ANKRD24: variants seen among roughly 807,000 people sequenced by gnomAD.
The protein encoded by ANKRD24 is ankyrin repeat domain 24, also known as ankyrin repeat domain-containing protein 24.
In ANKRD24, 109 loss-of-function variants were observed where a neutral mutation model predicts 127.8. That is an observed-to-expected ratio of 0.85 (90% CI 0.73 to 1.00). The LOEUF (loss-of-function observed/expected upper bound fraction) is 1.00. ANKRD24 is among the 50% of genes least tolerant of loss of function. The probability of loss-of-function intolerance (pLI) is 0.00; values close to 1 mark genes in which losing one functional copy is unlikely to be tolerated. For missense variants in ANKRD24, 1,648 were observed against 1,570.2 expected, an observed-to-expected ratio of 1.05 and a Z score of -0.84; for synonymous variants, 743 against 671.1, an observed-to-expected ratio of 1.11 and a Z score of -1.66.
intron 20 of ANKRD24, among the ~76,000 whole-genome samples, chr19:4,223,368 C>CAT (rs1970546654): frequency 6.2e-5 from 5 of 80,828 alleles, no homozygotes; most frequent in Admixed American, 1.4e-4. Flanking sequence ...AGTGCCTGGC[C>CAT]ATACATATAT....
chr19:4,201,983 C>G, intron 5 of ANKRD24, 43 bp from the exon 6 acceptor site: 1 of 1,581,700 alleles, frequency 6.3e-7, no homozygotes, highest in Non-Finnish European at 8.7e-7. Context: ...CTGGGAGCTA[C>G]TTGAATAGCT....
In ANKRD24 at chr19:4,193,850, A is replaced by AGGAAGGAAGGAAGGAAGGAAGGAT. The variant is rs1568315604; in HGVS notation, c.37-5810_37-5809insTGGAAGGAAGGAAGGAAGGAAGGA. ...AGACTCCGTCGGGAGGGAGGGAGGA[A>AGGAAGGAAGGAAGGAAGGAAGGAT]GGAAGGAAGGAAGGAAGGAAGGAAG... On this transcript the variant is annotated intron_variant, in intron 2 of 21. Coordinates refer to ENST00000318934, the MANE Select transcript of ANKRD24 (RefSeq NM_001393985.1). Among the ~76,000 whole-genome samples the AGGAAGGAAGGAAGGAAGGAAGGAT allele has an allele frequency of 1.3e-3, 51 of 38,400 alleles. 1 individual carries two copies. Among genetic ancestry groups the AGGAAGGAAGGAAGGAAGGAAGGAT allele is most frequent in the Non-Finnish European group, 1.7e-3 (36 of 20,786 alleles). 25.2% of individuals were successfully genotyped at this position (38,400 alleles called of 152,430 possible).
chr19:4,193,858 A>AGGAAGGAAGGAT lies in ANKRD24; in HGVS notation c.37-5814_37-5813insTGGAAGGAAGGA, dbSNP rs1249633783. 3.9e-3 allele frequency among the ~76,000 whole-genome samples: 205 copies of AGGAAGGAAGGAT among 53,238 alleles called. 12 individuals carry two copies. Among genetic ancestry groups the AGGAAGGAAGGAT allele is most frequent in the South Asian group, 0.021 (30 of 1,438 alleles). 34.9% of individuals were successfully genotyped at this position (53,238 alleles called of 152,430 possible). A position where few individuals can be genotyped will look rare whatever the true frequency, so the allele number is the denominator to read the frequency against. Reference sequence around the variant, plus strand: ...TCGGGAGGGAGGGAGGAAGGAAGGAAGGAAGGAAGGAAGGAAGGAAGGAAG... The same window carrying AGGAAGGAAGGAT: ...TCGGGAGGGAGGGAGGAAGGAAGGAAGGAAGGAAGGATGGAAGGAAGGAAGGAAGGAAGGAAG... On this transcript the variant is annotated intron_variant, in intron 2 of 21. Coordinates refer to ENST00000318934, the MANE Select transcript of ANKRD24 (RefSeq NM_001393985.1).
intron 7 of ANKRD24, 107 bp downstream of exon 7, chr19:4,203,033 TCTC>T (rs35700749): frequency 0.15 from 127,698 of 847,630 alleles, 11,801 homozygotes; most frequent in East Asian, 0.33. Flanking sequence ...AAGCTTCCTG[TCTC>T]CTCCTTTCTT....
chr19:4,217,505 G>A lies in ANKRD24; in HGVS notation c.2345G>A (p.Gly782Asp). The change falls in exon 18 of 22, where the codon GGT becomes GAT. Residue 782 changes from glycine (G) to aspartate (D), a missense_variant. By Grantham distance (94) the Gly-to-Asp change is moderately conservative. Coordinates refer to ENST00000318934, the MANE Select transcript of ANKRD24 (RefSeq NM_001393985.1). ...AGCGGGGCCAGCGGGGGCGGTGGCGGTGACACCACACAGCTGCGGGCGGCC... is the reference window on the plus strand; with the variant it reads ...AGCGGGGCCAGCGGGGGCGGTGGCGATGACACCACACAGCTGCGGGCGGCC... ...EGSGASGGGGGDTTQLRAALE... is the reference protein window; with the variant it reads ...EGSGASGGGGDDTTQLRAALE... The A allele has an allele frequency of 1.4e-6, 2 of 1,401,596 alleles. No individual in the cohort carries two copies. The highest frequency in any genetic ancestry group is 1.8e-6 in the Non-Finnish European group (2 of 1,084,050). The allele number at this position is 1,401,596 out of a possible 1,614,324, so 86.8% of individuals were successfully genotyped here.
intron 15 of ANKRD24, 96 bp downstream of exon 15, chr19:4,212,794 C>T: frequency 8.6e-7 from 1 of 1,157,570 alleles, no homozygotes. Flanking sequence ...GCATGCACAG[C>T]CTCACACACG....
chr19:4,185,534 A>C (rs1263996287), intron 1 of ANKRD24, among the ~76,000 whole-genome samples: 1 of 152,124 alleles, frequency 6.6e-6, no homozygotes, highest in Non-Finnish European at 1.5e-5. Context: ...CCCTCAAAAA[A>C]CACACCCCCT....
intron 1 of ANKRD24, among the ~76,000 whole-genome samples, chr19:4,185,870 G>A (rs1016974493): frequency 3.9e-5 from 6 of 152,196 alleles, no homozygotes; most frequent in African/African-American, 1.4e-4. Flanking sequence ...CCCAGCCAGG[G>A]TAGGCGGGAA....
chr19:4,199,759 G>A lies in ANKRD24; in HGVS notation c.113G>A (p.Gly38Asp). Residue 38 changes from glycine (G) to aspartate (D), a missense_variant, in exon 3 of 22, where the codon GGC (glycine) becomes GAC (aspartate). Physicochemically the swap from Gly to Asp is moderately conservative, Grantham distance 94. Coordinates refer to ENST00000318934, the MANE Select transcript of ANKRD24 (RefSeq NM_001393985.1). The surrounding 1 kb of genome is among the most constrained non-coding windows in gnomAD (Gnocchi z 5.2). ...CCCATCCCGAAGCCGGCAGCCAGAG[G>A]CAGGCGCCAGGCAAGTGCCCAGGGG... ...PCPIPKPAAR[G>D]RRQSQDWGKS... 2 of 1,537,488 alleles carry A rather than the reference G, an allele frequency of 1.3e-6. No homozygotes were observed. Among genetic ancestry groups the A allele is most frequent in the Non-Finnish European group, 1.7e-6 (2 of 1,144,266 alleles).
intron 20 of ANKRD24, among the ~76,000 whole-genome samples, chr19:4,223,179 C>T (rs985686134): frequency 3.3e-5 from 5 of 151,558 alleles, no homozygotes; most frequent in Admixed American, 6.6e-5. Context: ...CTCCTGGGCT[C>T]GCATAAGCCT....
Position 4,198,441 on chromosome 19 carries a change from GC to G in ANKRD24, c.37-1240del, listed in dbSNP as rs1219123840. 6.7e-6 allele frequency: 4 copies of G among 597,838 alleles called. No individual in the cohort carries two copies. Among genetic ancestry groups the G allele is most frequent in the Non-Finnish European group, 1.2e-5 (4 of 332,392 alleles). 37.0% of individuals were successfully genotyped at this position (597,838 alleles called of 1,614,324 possible). On this transcript the variant is annotated intron_variant, in intron 2 of 21. Coordinates refer to ENST00000318934, the MANE Select transcript of ANKRD24 (RefSeq NM_001393985.1). This position sits in a 1 kb window ranked among gnomAD's most constrained non-coding sequence, Gnocchi z 6.1. The stretch of plus-strand genomic sequence containing the variant: ...CGCGGTCCCTCCAGACCCTCTGGCC[GC>G]CGCCTCCTCTTGGAACCCCGTGCGC...
At chr19:4,194,092 C>T (rs866730222) in intron 2 of ANKRD24, among the ~76,000 whole-genome samples, 1 of 152,108 alleles carries the variant, frequency 6.6e-6, no homozygotes, top group Non-Finnish European at 1.5e-5. Context: ...TGGCATCCAA[C>T]GATCTACAAA....
At chr19:4,190,499 C>T (rs910408537) in intron 2 of ANKRD24, among the ~76,000 whole-genome samples, 13 of 151,118 alleles carry the variant, frequency 8.6e-5, no homozygotes, top group African/African-American at 3.2e-4. Context: ...CAGAGGCGGG[C>T]AGATCACCTG....
intron 1 of ANKRD24, 189 bp from the exon 2 acceptor site, chr19:4,186,201 A>C (rs1323810827): frequency 7.5e-7 from 1 of 1,342,278 alleles, no homozygotes; most frequent in African/African-American, 1.5e-5. Context: ...GGGAAGTAAA[A>C]CAGAGAGGGC....
Position 4,183,442 on chromosome 19 carries a change from C to T in ANKRD24, c.-37+702C>T, listed in dbSNP as rs576114115. 27 of 753,026 alleles carry T rather than the reference C, an allele frequency of 3.6e-5. No individual in the cohort carries two copies. The South Asian group carries it at 1.3e-3, about 37-fold the overall frequency. 46.6% of individuals were successfully genotyped at this position (753,026 alleles called of 1,614,324 possible). A position where few individuals can be genotyped will look rare whatever the true frequency, so the allele number is the denominator to read the frequency against. On this transcript the variant is annotated intron_variant, in intron 1 of 21. Transcript: ENST00000318934. The stretch of plus-strand genomic sequence containing the variant: ...AGAGCAAAGGTGGTACCATCTATGC[C>T]CTGGTGGCTGCGGGTGGACACAAAC...
Position 4,195,276 on chromosome 19 carries a change from G to A in ANKRD24, c.37-4407G>A, listed in dbSNP as rs558637988. Among the ~76,000 whole-genome samples the A allele has an allele frequency of 4.0e-5, 6 of 151,652 alleles. No homozygotes were observed. The highest frequency in any genetic ancestry group is 3.9e-4 in the East Asian group (2 of 5,098). ...TTTAGTAGAGACGGGGTTTTGCCAC[G>A]TTGGTCAGGCTGGTCTCGAACTCCC... On this transcript the variant is annotated intron_variant, in intron 2 of 21. Coordinates refer to ENST00000318934, the MANE Select transcript of ANKRD24 (RefSeq NM_001393985.1). This position sits in a 1 kb window ranked among gnomAD's most constrained non-coding sequence, Gnocchi z 4.2.
chr19:4,213,456 CT>C (rs769606619), intron 15 of ANKRD24, among the ~76,000 whole-genome samples: 4,243 of 118,522 alleles, frequency 0.036, 87 homozygotes, highest in African/African-American at 0.12. Context: ...ATCCTTCCTT[CT>C]TTTTTTTTTT....
At chr19:4,214,361 C>T (rs890494750) in intron 15 of ANKRD24, among the ~76,000 whole-genome samples, 7 of 151,938 alleles carry the variant, frequency 4.6e-5, no homozygotes, top group African/African-American at 1.7e-4. Flanking sequence ...GAGATGGGGA[C>T]TCACTATGTT....
chr19:4,224,569 C>T lies in ANKRD24; in HGVS notation c.*64C>T. The T allele has an allele frequency of 3.5e-6, 5 of 1,443,950 alleles. No individual in the cohort carries two copies. In the South Asian group the frequency reaches 3.6e-5, roughly 11 times the overall value. 89.4% of individuals were successfully genotyped at this position (1,443,950 alleles called of 1,614,324 possible). On this transcript the variant is annotated 3_prime_UTR_variant, in exon 22 of 22. Coordinates refer to ENST00000318934, the MANE Select transcript of ANKRD24 (RefSeq NM_001393985.1). ...GCAGGGACCTCACCCCCCTGCAGGC[C>T]CCTTGCAGACCGGCTTCACTTGGCT... is the stretch of plus-strand genomic sequence containing the variant.
Sources: gnomAD v4.1 joint callset for allele counts (sites outside exome capture counted in the v4.1 genomes callset) on GRCh38, gnomAD v4.1.1 for gene constraint, Gnocchi (gnomAD v3.1) non-coding constraint, MANE v1.5 for transcripts, NCBI Gene and HGNC (gene_info 2026-07-23, HGNC 2026-07-21) for gene names.